The following STK26 variants were observed in gnomAD, a reference collection of about 807,000 sequenced individuals.
STK26 encodes serine/threonine-protein kinase 26.
A neutral mutation model predicts 34.7 loss-of-function variants in STK26; 14 were observed. The ratio of observed to expected loss-of-function variants is 0.40; its 90% CI spans 0.27 to 0.63. The LOEUF (loss-of-function observed/expected upper bound fraction) is 0.63. STK26 is among the 30% of genes least tolerant of loss of function. The pLI, the probability that STK26 is intolerant of heterozygous loss-of-function variation, is 0.38. For synonymous variants in STK26, 100 were observed against 109.8 expected, an observed-to-expected ratio of 0.91 and a Z score of 0.56; for missense variants, 226 against 309.1, an observed-to-expected ratio of 0.73 and a Z score of 2.02.
chrX:132,071,126 A>G lies in STK26; in HGVS notation c.841A>G (p.Thr281Ala). 1.7e-6 allele frequency: 2 copies of G among 1,207,568 alleles called. No homozygotes were observed. The highest frequency in any genetic ancestry group is 1.1e-6 in the Non-Finnish European group (1 of 892,186). Residue 281 changes from threonine to alanine, a missense_variant, in exon 8 of 12, where the codon ACT becomes GCT. Around this residue, in one of 2 missense-constraint regions of STK26, gnomAD observed 126 missense variants for 132.4 expected, o/e 0.95. Coordinates refer to ENST00000394334, the MANE Select transcript of STK26 (RefSeq NM_016542.4). The stretch of plus-strand genomic sequence containing the variant: ...ATTCATTGTAAAAAATTCAAAGAAG[A>G]CTTCTTATCTGACTGAACTGATAGA... The part of the protein sequence containing the change: ...HKFIVKNSKK[T>A]SYLTELIDRF...
At position 132,073,079 on chromosome X, in the gene STK26, T is replaced by G; in HGVS notation, c.1212T>G (p.Ile404Met). Reference protein sequence around the residue: ...GITDKMVKKLIEKFQKCSADE... With the variant: ...GITDKMVKKLMEKFQKCSADE... ...CAGATAAAATGGTGAAGAAACTAAT[T>G]GAAAAATTTCAAAAGTAAGTTGGAA... Residue 404 changes from isoleucine (I) to methionine (M), a missense_variant, in exon 11 of 12, where the codon ATT (isoleucine) becomes ATG (methionine). Ile to Met is a conservative substitution (Grantham distance 10). Transcript: ENST00000394334. The G allele has an allele frequency of 8.4e-7, 1 of 1,187,997 alleles. No homozygotes were observed. The highest frequency in any genetic ancestry group is 1.1e-6 in the Non-Finnish European group (1 of 885,163).
At position 132,072,187 on chromosome X, in the gene STK26, A is replaced by T. The variant is rs1008112683; in HGVS notation, c.933-81A>T. On this transcript the variant is annotated intron_variant, in intron 8 of 11. Transcript: ENST00000394334. ...AACATTGGGACAATTATCCCTTTAG[A>T]TTCTACCTGCATTGATTTGGTATTT... 49 of 750,360 alleles carry T rather than the reference A, an allele frequency of 6.5e-5. No individual in the cohort carries two copies. The Admixed American group carries it at 1.2e-3, about 18-fold the overall frequency. The allele number at this position is 750,360 out of a possible 1,213,427, so 61.8% of individuals were successfully genotyped here. A position where few individuals can be genotyped will look rare whatever the true frequency, so the allele number is the denominator to read the frequency against.
At chrX:132,057,120 T>G (rs1926887208) in intron 3 of STK26, among the ~76,000 whole-genome samples, 1 of 111,956 alleles carries the variant, frequency 8.9e-6, no homozygotes, top group African/African-American at 3.2e-5. Context: ...GGGTCTGGAG[T>G]GTGGGCACTA....
At chrX:132,053,801 C>T (rs1298712021) in intron 2 of STK26, among the ~76,000 whole-genome samples, 1 of 111,744 alleles carries the variant, frequency 8.9e-6, no homozygotes, top group Non-Finnish European at 1.9e-5. Context: ...TAAAGTTTGT[C>T]TTGGGGTAAA....
chrX:132,074,453 C>T lies in STK26; in HGVS notation c.*294C>T. The T allele has an allele frequency of 4.5e-6, 1 of 223,636 alleles. No individual in the cohort carries two copies. The highest frequency in any genetic ancestry group is 7.3e-5 in the East Asian group (1 of 13,631). 18.4% of individuals were successfully genotyped at this position (223,636 alleles called of 1,213,427 possible). On this transcript the variant is annotated 3_prime_UTR_variant, in exon 12 of 12. Coordinates refer to ENST00000394334, the MANE Select transcript of STK26 (RefSeq NM_016542.4). ...ATTTCTTAAGTTACGAGGATGAATA[C>T]CTTTCACATTTTGATCTTTAGTTGA...
rs190123033 is a variant in STK26 at position 132,070,947 on chromosome X, T to C, written c.784-122T>C. On this transcript the variant is annotated intron_variant, in intron 7 of 11. Transcript: ENST00000394334. Reference sequence around the variant, plus strand: ...TTTCCTACAGCATTTTAGTTGTTCTTATGTCTACAGACATACCTTTATACC... The same window carrying C: ...TTTCCTACAGCATTTTAGTTGTTCTCATGTCTACAGACATACCTTTATACC... The C allele has an allele frequency of 5.4e-4, 390 of 726,320 alleles. 1 individual carries two copies. In the African/African-American group the frequency reaches 7.8e-3, roughly 15 times the overall value. The allele number at this position is 726,320 out of a possible 1,213,427, so 59.9% of individuals were successfully genotyped here. A position where few individuals can be genotyped will look rare whatever the true frequency, so the allele number is the denominator to read the frequency against.
At chrX:132,068,779 G>A (rs1214895587) in intron 6 of STK26, among the ~76,000 whole-genome samples, 2 of 111,159 alleles carry the variant, frequency 1.8e-5, no homozygotes, top group African/African-American at 3.3e-5. Flanking sequence ...ATCCCACGTG[G>A]AATAAAATCC....
At chrX:132,030,862 A>T (rs1925806227) in intron 2 of STK26, among the ~76,000 whole-genome samples, 2 of 111,795 alleles carry the variant, frequency 1.8e-5, no homozygotes, top group African/African-American at 3.3e-5. Context: ...AAATACACAG[A>T]ACTAAAATTT....
At chrX:132,056,374 G>A (rs1223257149) in intron 3 of STK26, among the ~76,000 whole-genome samples, 1 of 112,111 alleles carries the variant, frequency 8.9e-6, no homozygotes, top group Admixed American at 9.4e-5. Context: ...TGGCTCCAAT[G>A]AGGGCATAGG....
At chrX:132,051,420 C>T (rs933054504) in intron 2 of STK26, among the ~76,000 whole-genome samples, 4 of 110,935 alleles carry the variant, frequency 3.6e-5, no homozygotes, top group African/African-American at 3.3e-5. Flanking sequence ...TGGTATGGCA[C>T]GCGGAAATCA....
intron 3 of STK26, among the ~76,000 whole-genome samples, chrX:132,059,309 AC>A (rs1447534049): frequency 8.9e-6 from 1 of 111,994 alleles, no homozygotes; most frequent in Non-Finnish European, 1.9e-5. Context: ...CATAACTAAG[AC>A]CTCACTGTAA....
chrX:132,035,949 A>G (rs997539857), intron 2 of STK26, among the ~76,000 whole-genome samples: 1 of 110,479 alleles, frequency 9.1e-6, no homozygotes, highest in Admixed American at 9.7e-5. Context: ...AGAGGAAGTT[A>G]CTTCTGAATC....
At chrX:132,042,397 G>T (rs902989321) in intron 2 of STK26, among the ~76,000 whole-genome samples, 10 of 110,964 alleles carry the variant, frequency 9.0e-5, no homozygotes, top group African/African-American at 3.3e-4. Context: ...GCCCTGTATT[G>T]TTAATGTAAG....
At chrX:132,039,894 A>G (rs781090833) in intron 2 of STK26, among the ~76,000 whole-genome samples, 4 of 111,468 alleles carry the variant, frequency 3.6e-5, no homozygotes, top group Non-Finnish European at 5.7e-5. Flanking sequence ...AGAATTCCTC[A>G]TCTGAACCAT....
At position 132,035,832 on chromosome X, in the gene STK26, T is replaced by TACACACACACAC. The variant is rs61494612; in HGVS notation, c.42+12206_42+12217dup. Among the ~76,000 whole-genome samples, 329 of 78,201 alleles carry TACACACACACAC rather than the reference T, an allele frequency of 4.2e-3. 2 individuals are homozygous for TACACACACACAC. The highest frequency in any genetic ancestry group is 0.013 in the Middle Eastern group (2 of 159). 67.9% of individuals were successfully genotyped at this position (78,201 alleles called of 115,157 possible). On this transcript the variant is annotated intron_variant, in intron 2 of 11. Coordinates refer to ENST00000394334, the MANE Select transcript of STK26 (RefSeq NM_016542.4). ...ACCAGACTTAATAGCTCTGGCTGCATACACACACACACACACACACACACA... is the reference window on the plus strand; with the variant it reads ...ACCAGACTTAATAGCTCTGGCTGCATACACACACACACACACACACACACACACACACACACA...
chrX:132,034,111 C>CAT (rs35610755), intron 2 of STK26, among the ~76,000 whole-genome samples: 15,122 of 94,739 alleles, frequency 0.16, 1,220 homozygotes, highest in African/African-American at 0.26. Flanking sequence ...ATAATAAATA[C>CAT]ATATATATAT....
chrX:132,028,846 C>G (rs760213840), intron 2 of STK26, among the ~76,000 whole-genome samples: 1 of 111,620 alleles, frequency 9.0e-6, no homozygotes, highest in African/African-American at 3.3e-5. Flanking sequence ...GTACCAGAGT[C>G]CAGTATGTGG....
intron 2 of STK26, 59 bp downstream of exon 2, chrX:132,023,718 C>G: frequency 8.7e-7 from 1 of 1,144,202 alleles, no homozygotes; most frequent in South Asian, 2.0e-5. Context: ...CCGGTGCGCC[C>G]TCGGTGCTGG....
Position 132,075,782 on chromosome X carries a change from A to C in STK26, c.*1623A>C. The C allele has an allele frequency of 8.9e-6, 1 of 112,116 alleles. No individual in the cohort carries two copies. Among genetic ancestry groups the C allele is most frequent in the Non-Finnish European group, 1.9e-5 (1 of 53,069 alleles). The allele number at this position is 112,116 out of a possible 1,213,427, so 9.2% of individuals were successfully genotyped here. Reference sequence around the variant, plus strand: ...ATATTTTTGTAAAAGTAAAAGCAACAAATTTATAAATTGATTATTTGAAAC... The same window carrying C: ...ATATTTTTGTAAAAGTAAAAGCAACCAATTTATAAATTGATTATTTGAAAC... On this transcript the variant is annotated 3_prime_UTR_variant, in exon 12 of 12. Coordinates refer to ENST00000394334, the MANE Select transcript of STK26 (RefSeq NM_016542.4).
Sources: gnomAD v4.1 joint callset for allele counts (sites outside exome capture counted in the v4.1 genomes callset) on GRCh38, gnomAD v4.1.1 for gene constraint, gnomAD v4.1.1 regional missense constraint, MANE v1.5 for transcripts, NCBI Gene and HGNC (gene_info 2026-07-23, HGNC 2026-07-21) for gene names.